MAGI1: variants seen among roughly 807,000 people sequenced by gnomAD.
The protein encoded by MAGI1 is membrane associated guanylate kinase, WW and PDZ domain containing 1, also known as membrane-associated guanylate kinase, WW and PDZ domain-containing protein 1.
In MAGI1, 58 loss-of-function variants were observed where a neutral mutation model predicts 139.9. That is an observed-to-expected ratio of 0.41 (90% CI 0.34 to 0.52). MAGI1 has a LOEUF of 0.52. Among genes scored for constraint, MAGI1 ranks in the 20% least tolerant of loss-of-function variants. MAGI1 has a pLI of 0.12. For missense variants in MAGI1, 1,874 were observed against 1,901.6 expected, an observed-to-expected ratio of 0.99 and a Z score of 0.27; for synonymous variants, 812 against 737.9, an observed-to-expected ratio of 1.10 and a Z score of -1.63.
At chr3:65,462,147 C>A (rs1400449209) in intron 5 of MAGI1, among the ~76,000 whole-genome samples, 1 of 152,074 alleles carries the variant, frequency 6.6e-6, no homozygotes. Flanking sequence ...TCAATTTTGG[C>A]TTTTGTTGCC....
At chr3:65,548,618 G>T (rs926198258) in intron 2 of MAGI1, among the ~76,000 whole-genome samples, 1 of 146,196 alleles carries the variant, frequency 6.8e-6, no homozygotes. Context: ...TGCCTCCCAG[G>T]TTCAAGCTAT....
At chr3:65,506,082 C>T (rs1559617399) in intron 2 of MAGI1, among the ~76,000 whole-genome samples, 1 of 152,138 alleles carries the variant, frequency 6.6e-6, no homozygotes. Flanking sequence ...ATCTAAAGCT[C>T]TTTCAGAATG....
At position 65,379,554 on chromosome 3, in the gene MAGI1, A is replaced by C; in HGVS notation, c.2702T>G (p.Val901Gly). 6.2e-7 allele frequency: 1 copy of C among 1,606,740 alleles called. No individual in the cohort carries two copies. Among genetic ancestry groups the C allele is most frequent in the Non-Finnish European group, 8.5e-7 (1 of 1,174,192 alleles). The change falls in exon 17 of 23, where the codon GTG becomes GGG. Residue 901 changes from valine (V) to glycine (G), a missense_variant and splice_region_variant. Val to Gly is a moderately radical substitution (Grantham distance 109). Around this residue, in one of 5 missense-constraint regions of MAGI1, gnomAD observed 482 missense variants for 509.6 expected, o/e 0.95. Transcript: ENST00000402939. ...GGGCACCTCGTTCTCGGTTTTGGGC[A>C]CTGTAGCAGAGAGATGCACGCGTAC... ...LTVRRKVVFA[V>G]PKTENEVPSP...
At chr3:65,955,149 A>C (rs7432382) in intron 1 of MAGI1, among the ~76,000 whole-genome samples, 78,224 of 151,906 alleles carry the variant, frequency 0.51, 20,529 homozygotes, top group South Asian at 0.74. Context: ...AGAAACACAG[A>C]GACAGGGAGG....
At chr3:65,753,083 G>C (rs1374861403) in intron 1 of MAGI1, among the ~76,000 whole-genome samples, 1 of 152,090 alleles carries the variant, frequency 6.6e-6, no homozygotes, top group Non-Finnish European at 1.5e-5. Context: ...ATGTCTAAAA[G>C]AGAAATAGGG....
At chr3:65,721,757 T>C (rs1285552490) in intron 1 of MAGI1, among the ~76,000 whole-genome samples, 2 of 152,102 alleles carry the variant, frequency 1.3e-5, no homozygotes, top group Non-Finnish European at 2.9e-5. Context: ...AATGAACACT[T>C]ATGGAATTAA....
chr3:65,577,446 T>C lies in MAGI1; in HGVS notation c.430+44526A>G, dbSNP rs1156819050. On this transcript the variant is annotated intron_variant, in intron 2 of 22. Transcript: ENST00000402939. ...CTCCTATCTTCACTTAAAATAATTTTGATTAAAAAATATTACATTAAAATA... is the reference window on the plus strand; with the variant it reads ...CTCCTATCTTCACTTAAAATAATTTCGATTAAAAAATATTACATTAAAATA... 2.6e-5 allele frequency among the ~76,000 whole-genome samples: 4 copies of C among 152,192 alleles called. No homozygotes were observed. The East Asian group carries it at 7.7e-4, about 29-fold the overall frequency.
intron 2 of MAGI1, among the ~76,000 whole-genome samples, chr3:65,522,868 C>T (rs1161713652): frequency 1.3e-5 from 2 of 152,124 alleles, no homozygotes; most frequent in Non-Finnish European, 2.9e-5. Context: ...TTTATGCCAC[C>T]AATTCCTGCT....
Position 65,548,511 on chromosome 3 carries a change from C to CTTTTTTTTTTTTTTT in MAGI1, c.431-54895_431-54881dup, listed in dbSNP as rs1170215972. ...AGCCCAGCTTTATGCAAACAACACT[C>CTTTTTTTTTTTTTTT]TTTTTTTTTTTTTTTTTTTTTTTTT... is the stretch of plus-strand genomic sequence containing the variant. On this transcript the variant is annotated intron_variant, in intron 2 of 22. Coordinates refer to ENST00000402939, the MANE Select transcript of MAGI1 (RefSeq NM_001033057.2). 6.3e-4 allele frequency among the ~76,000 whole-genome samples: 55 copies of CTTTTTTTTTTTTTTT among 87,380 alleles called. 3 individuals are homozygous for CTTTTTTTTTTTTTTT. Among genetic ancestry groups the CTTTTTTTTTTTTTTT allele is most frequent in the African/African-American group, 1.2e-3 (25 of 21,304 alleles). The allele number at this position is 87,380 out of a possible 152,430, so 57.3% of individuals were successfully genotyped here. A position where few individuals can be genotyped will look rare whatever the true frequency, so the allele number is the denominator to read the frequency against.
chr3:65,649,601 A>G lies in MAGI1; in HGVS notation c.314-27513T>C, dbSNP rs567938452. 1.3e-3 allele frequency among the ~76,000 whole-genome samples: 199 copies of G among 152,346 alleles called. 1 individual carries two copies. Among genetic ancestry groups the G allele is most frequent in the Non-Finnish European group, 2.5e-3 (168 of 68,014 alleles). On this transcript the variant is annotated intron_variant, in intron 1 of 22. Transcript: ENST00000402939. ...CAAACTATATATCTAACAAAGGATTAGTGTCTATCTGGAACATATAAATAA... is the reference window on the plus strand; with the variant it reads ...CAAACTATATATCTAACAAAGGATTGGTGTCTATCTGGAACATATAAATAA...
intron 2 of MAGI1, among the ~76,000 whole-genome samples, chr3:65,517,626 C>T (rs578180821): frequency 6.6e-6 from 1 of 152,276 alleles, no homozygotes; most frequent in East Asian, 1.9e-4. Flanking sequence ...GCCCTTCGCC[C>T]TGGCAGCATA....
intron 2 of MAGI1, among the ~76,000 whole-genome samples, chr3:65,537,165 T>C (rs543310422): frequency 3.7e-4 from 57 of 152,292 alleles, no homozygotes; most frequent in Middle Eastern, 3.4e-3. Context: ...ATTTAAGTTC[T>C]AAATGCACTC....
At chr3:65,617,181 C>G (rs578045594) in intron 2 of MAGI1, among the ~76,000 whole-genome samples, 1 of 152,192 alleles carries the variant, frequency 6.6e-6, no homozygotes, top group African/African-American at 2.4e-5. Context: ...AGACTGGTTA[C>G]AATGGTCTCA....
chr3:65,687,807 T>C, intron 1 of MAGI1: 1 of 587,448 alleles, frequency 1.7e-6, no homozygotes, highest in Non-Finnish European at 3.4e-6. Flanking sequence ...AATCAGTTCT[T>C]CTGATGCTAC....
intron 1 of MAGI1, among the ~76,000 whole-genome samples, chr3:65,632,509 T>A (rs1008192482): frequency 1.3e-5 from 2 of 152,166 alleles, no homozygotes; most frequent in Non-Finnish European, 2.9e-5. Context: ...ATCTAAAAAA[T>A]ACACAAATAA....
intron 7 of MAGI1, among the ~76,000 whole-genome samples, chr3:65,446,430 T>A (rs1401078222): frequency 6.6e-6 from 1 of 152,076 alleles, no homozygotes; most frequent in African/African-American, 2.4e-5. Context: ...ATGTTTAGAG[T>A]CTTTAACAGC....
At chr3:65,785,252 C>A (rs545462055) in intron 1 of MAGI1, among the ~76,000 whole-genome samples, 5 of 152,002 alleles carry the variant, frequency 3.3e-5, no homozygotes, top group Non-Finnish European at 7.4e-5. Context: ...CATATATAAC[C>A]ACAAGAGGGC....
At chr3:65,734,105 T>G (rs2034461827) in intron 1 of MAGI1, among the ~76,000 whole-genome samples, 1 of 152,258 alleles carries the variant, frequency 6.6e-6, no homozygotes, top group East Asian at 1.9e-4. Flanking sequence ...CTGACAGGGT[T>G]TGGAGAACAG....
At chr3:65,947,082 A>T (rs551290623) in intron 1 of MAGI1, among the ~76,000 whole-genome samples, 42 of 152,330 alleles carry the variant, frequency 2.8e-4, no homozygotes, top group African/African-American at 8.2e-4. Context: ...TAAGGCTTTT[A>T]GACACTGAAT....
Sources: gnomAD v4.1 joint callset for allele counts (sites outside exome capture counted in the v4.1 genomes callset) on GRCh38, gnomAD v4.1.1 for gene constraint, gnomAD v4.1.1 regional missense constraint, MANE v1.5 for transcripts, NCBI Gene and HGNC (gene_info 2026-07-23, HGNC 2026-07-21) for gene names.